PIK3CG: variants seen among roughly 807,000 people sequenced by gnomAD.
PIK3CG encodes the protein phosphatidylinositol 4,5-bisphosphate 3-kinase catalytic subunit gamma isoform.
In PIK3CG, 55 loss-of-function variants were observed where a neutral mutation model predicts 102.3. The ratio of observed to expected loss-of-function variants is 0.54; its 90% CI spans 0.43 to 0.67. PIK3CG has a LOEUF of 0.67. PIK3CG is among the 30% of genes least tolerant of loss of function. The pLI is 0.00. For synonymous variants in PIK3CG, 552 were observed against 540.0 expected, an observed-to-expected ratio of 1.02 and a Z score of -0.31; for missense variants, 1,258 against 1,391.8, an observed-to-expected ratio of 0.90 and a Z score of 1.53.
rs568814349 is a variant in PIK3CG at position 106,908,201 on chromosome 7, C to T, written c.*2814C>T. 1.6e-4 allele frequency among the ~76,000 whole-genome samples: 25 copies of T among 152,206 alleles called. No individual in the cohort carries two copies. Among genetic ancestry groups the T allele is most frequent in the African/African-American group, 5.8e-4 (24 of 41,532 alleles). ...ATCATTCAAAAATTATTAAGAAATT[C>T]GAGATGGCAACAGCAGTTGTCACAC... On this transcript the variant is annotated 3_prime_UTR_variant, in exon 11 of 11. Coordinates refer to ENST00000496166, the MANE Select transcript of PIK3CG (RefSeq NM_001282426.2). The surrounding 1 kb of genome is among the most constrained non-coding windows in gnomAD (Gnocchi z 4.1).
chr7:106,907,917 T>G lies in PIK3CG; in HGVS notation c.*2530T>G, dbSNP rs182896438. ...GCATAATTTCAGTTCTATAGACTTA[T>G]AGATAAATAAAAATCATCTTTGTGG... On this transcript the variant is annotated 3_prime_UTR_variant, in exon 11 of 11. Coordinates refer to ENST00000496166, the MANE Select transcript of PIK3CG (RefSeq NM_001282426.2). 2.6e-5 allele frequency among the ~76,000 whole-genome samples: 4 copies of G among 151,678 alleles called. No individual in the cohort carries two copies. The highest frequency in any genetic ancestry group is 4.4e-5 in the Non-Finnish European group (3 of 67,946).
intron 4 of PIK3CG, among the ~76,000 whole-genome samples, chr7:106,873,238 T>C (rs1184850075): frequency 6.6e-6 from 1 of 152,220 alleles, no homozygotes; most frequent in Non-Finnish European, 1.5e-5. Flanking sequence ...TTTCCAAATC[T>C]TTACCTTTTT....
chr7:106,866,308 G>A (rs1584312688), intron 1 of PIK3CG, among the ~76,000 whole-genome samples: 2 of 152,256 alleles, frequency 1.3e-5, no homozygotes, highest in African/African-American at 4.8e-5. Context: ...ACTAAACATT[G>A]AAAGCAAAAT....
intron 9 of PIK3CG, among the ~76,000 whole-genome samples, chr7:106,885,454 T>C (rs576605963): frequency 2.1e-4 from 32 of 152,276 alleles, no homozygotes; most frequent in African/African-American, 7.2e-4. Context: ...TTTTTCTCTA[T>C]GAATTTGGGC....
In PIK3CG at chr7:106,884,031, C is replaced by G. The variant is rs931703637; in HGVS notation, c.2761-124C>G. On this transcript the variant is annotated intron_variant, in intron 8 of 10. Coordinates refer to ENST00000496166, the MANE Select transcript of PIK3CG (RefSeq NM_001282426.2). The surrounding 1 kb of genome is among the most constrained non-coding windows in gnomAD (Gnocchi z 4.2). ...TTCATAGATATAATGCTAATGAAAT[C>G]AGGCACAACTAACTTGCTCTCTGAA... is the stretch of plus-strand genomic sequence containing the variant. 1.4e-6 allele frequency: 1 copy of G among 706,806 alleles called. No individual in the cohort carries two copies. Among genetic ancestry groups the G allele is most frequent in the Non-Finnish European group, 2.4e-6 (1 of 408,898 alleles). The allele number at this position is 706,806 out of a possible 1,614,324, so 43.8% of individuals were successfully genotyped here. A position where few individuals can be genotyped will look rare whatever the true frequency, so the allele number is the denominator to read the frequency against.
Position 106,895,065 on chromosome 7 carries a change from T to C in PIK3CG, c.3030+8773T>C, listed in dbSNP as rs1046271574. Among the ~76,000 whole-genome samples the C allele has an allele frequency of 6.6e-6, 1 of 152,216 alleles. No individual in the cohort carries two copies. Among genetic ancestry groups the C allele is most frequent in the Admixed American group, 6.5e-5 (1 of 15,286 alleles). ...AGATGTACTACGTAGGCTCAATCTA[T>C]TTATTAGCTACTAATGGAGAATGTT... On this transcript the variant is annotated intron_variant, in intron 10 of 10. Transcript: ENST00000496166. This position sits in a 1 kb window ranked among gnomAD's most constrained non-coding sequence, Gnocchi z 5.4.
chr7:106,874,815 T>A lies in PIK3CG; in HGVS notation c.2391+12T>A, dbSNP rs1174352488. ...CAGGAGCGCTGGCAGTAGGTATCAC[T>A]TGGATGTCTCCATGTGGTCTTTATG... On this transcript the variant is annotated intron_variant, in intron 5 of 10. Coordinates refer to ENST00000496166, the MANE Select transcript of PIK3CG (RefSeq NM_001282426.2). This position sits in a 1 kb window ranked among gnomAD's most constrained non-coding sequence, Gnocchi z 4.3. 3.3e-6 allele frequency: 5 copies of A among 1,537,292 alleles called. No homozygotes were observed. Among genetic ancestry groups the A allele is most frequent in the Non-Finnish European group, 4.5e-6 (5 of 1,110,562 alleles).
rs910444668 is a variant in PIK3CG, at chr7:106,892,305, C to G, written c.3030+6013C>G. On this transcript the variant is annotated intron_variant, in intron 10 of 10. Coordinates refer to ENST00000496166, the MANE Select transcript of PIK3CG (RefSeq NM_001282426.2). The surrounding 1 kb of genome is among the most constrained non-coding windows in gnomAD (Gnocchi z 5.2). ...ACCTGCTAGGCTGGATTTTCTCAGCCTCCTGCTCTAGCCTGTTATAGTTAC... is the reference window on the plus strand; with the variant it reads ...ACCTGCTAGGCTGGATTTTCTCAGCGTCCTGCTCTAGCCTGTTATAGTTAC... 6.6e-6 allele frequency among the ~76,000 whole-genome samples: 1 copy of G among 152,222 alleles called. No individual in the cohort carries two copies. The highest frequency in any genetic ancestry group is 1.5e-5 in the Non-Finnish European group (1 of 68,036).
Position 106,867,475 on chromosome 7 carries a change from T to C in PIK3CG, c.-12-75T>C. The C allele has an allele frequency of 1.5e-6, 2 of 1,360,398 alleles. No individual in the cohort carries two copies. The highest frequency in any genetic ancestry group is 2.0e-6 in the Non-Finnish European group (2 of 994,558). The allele number at this position is 1,360,398 out of a possible 1,614,324, so 84.3% of individuals were successfully genotyped here. On this transcript the variant is annotated intron_variant, in intron 1 of 10. Transcript: ENST00000496166. This position sits in a 1 kb window ranked among gnomAD's most constrained non-coding sequence, Gnocchi z 5.1. ...ACATGTACGCCGCCTATACCTCCTC[T>C]TCCCTCATCTCACCAGAAAATATAA...
chr7:106,905,263 A>G lies in PIK3CG; in HGVS notation c.3185A>G (p.Glu1062Gly), dbSNP rs2116618770. 6.2e-7 allele frequency: 1 copy of G among 1,614,160 alleles called. No individual in the cohort carries two copies. The highest frequency in any genetic ancestry group is 8.5e-7 in the Non-Finnish European group (1 of 1,180,012). The change falls in exon 11 of 11, where the codon GAG (glutamate) becomes GGG (glycine). Residue 1062 changes from glutamate (E) to glycine (G), a missense_variant. Glu to Gly is a moderately conservative substitution (Grantham distance 98). Around this residue, in one of 2 missense-constraint regions of PIK3CG, gnomAD observed 426 missense variants for 604.2 expected, o/e 0.71. Coordinates refer to ENST00000496166, the MANE Select transcript of PIK3CG (RefSeq NM_001282426.2). The surrounding 1 kb of genome is among the most constrained non-coding windows in gnomAD (Gnocchi z 5.6). The part of the protein sequence containing the change: ...RDALTVGKNE[E>G]DAKKYFLDQI... ...GCCCTCACAGTGGGGAAAAATGAGG[A>G]GGATGCTAAAAAGTATTTTCTTGAT... is the stretch of plus-strand genomic sequence containing the variant.
chr7:106,868,296 G>A lies in PIK3CG; in HGVS notation c.735G>A (p.Leu245=), dbSNP rs746219744. 1.2e-6 allele frequency: 2 copies of A among 1,614,018 alleles called. No individual in the cohort carries two copies. Among genetic ancestry groups the A allele is most frequent in the African/African-American group, 2.7e-5 (2 of 74,942 alleles). Residue 245 remains leucine, a synonymous_variant, in exon 2 of 11, where the codon CTG becomes CTA. Transcript: ENST00000496166. The surrounding 1 kb of genome is among the most constrained non-coding windows in gnomAD (Gnocchi z 6.2). ...CCGACGACACCCCCGGCGCCATCCT[G>A]CAGAGCTTCTTCACCAAGATGGCCA... ...VSPDDTPGAI[L]QSFFTKMAKK... is the part of the protein sequence containing the mutation.
Position 106,868,641 on chromosome 7 carries a change from G to A in PIK3CG, c.1080G>A (p.Lys360=), listed in dbSNP as rs556212355. The A allele has an allele frequency of 1.9e-6, 3 of 1,614,104 alleles. No homozygotes were observed. The highest frequency in any genetic ancestry group is 3.3e-5 in the Admixed American group (2 of 60,016). Residue 360 remains lysine (K), a synonymous_variant, in exon 2 of 11, where the codon AAG becomes AAA. Transcript: ENST00000496166. The surrounding 1 kb of genome is among the most constrained non-coding windows in gnomAD (Gnocchi z 6.2). ...FTVSLWDCDR[K]FRVKIRGIDI... The stretch of plus-strand genomic sequence containing the variant: ...TGTCCCTGTGGGACTGCGACCGCAA[G>A]TTCAGGGTCAAGATCAGAGGCATTG...
rs1034095020 is a variant in PIK3CG, at chr7:106,902,442, C to G, written c.3031-2667C>G. On this transcript the variant is annotated intron_variant, in intron 10 of 10. Coordinates refer to ENST00000496166, the MANE Select transcript of PIK3CG (RefSeq NM_001282426.2). This position sits in a 1 kb window ranked among gnomAD's most constrained non-coding sequence, Gnocchi z 4.3. ...TATAACATTTATAAGCACTTTAAAGCTTTTGATGCATGTTAATCAAATTAC... is the reference window on the plus strand; with the variant it reads ...TATAACATTTATAAGCACTTTAAAGGTTTTGATGCATGTTAATCAAATTAC... 3.3e-5 allele frequency among the ~76,000 whole-genome samples: 5 copies of G among 151,930 alleles called. No individual in the cohort carries two copies. The highest frequency in any genetic ancestry group is 9.7e-5 in the African/African-American group (4 of 41,352).
rs1723152733 is a variant in PIK3CG, at chr7:106,882,149, T to C, written c.2571T>C (p.Thr857=). 6.4e-7 allele frequency: 1 copy of C among 1,571,260 alleles called. No homozygotes were observed. Residue 857 remains threonine, a synonymous_variant, in exon 7 of 11, where the codon ACT becomes ACC. Coordinates refer to ENST00000496166, the MANE Select transcript of PIK3CG (RefSeq NM_001282426.2). ...GAATCATGGAGTCTATTTGGGAGACTGAATCTTTGGATCTATGCCTCCTGC... is the reference window on the plus strand; with the variant it reads ...GAATCATGGAGTCTATTTGGGAGACCGAATCTTTGGATCTATGCCTCCTGC... ...ILRIMESIWE[T]ESLDLCLLPY... is the part of the protein sequence containing the mutation.
rs751449393 is a variant in PIK3CG, at chr7:106,867,979, C to A, written c.418C>A (p.Arg140=). The A allele has an allele frequency of 6.2e-7, 1 of 1,612,104 alleles. No homozygotes were observed. The highest frequency in any genetic ancestry group is 8.5e-7 in the Non-Finnish European group (1 of 1,179,182). The change falls in exon 2 of 11, where the codon CGG becomes AGG. Residue 140 remains arginine (R), a synonymous_variant. Transcript: ENST00000496166. The surrounding 1 kb of genome is among the most constrained non-coding windows in gnomAD (Gnocchi z 5.1). ...CCCGGGCCAGATCCACCTGGTGCAG[C>A]GGCACCCGCCCTCCGAGGAGTCCCA... ...RSPGQIHLVQ[R]HPPSEESQAF...
Position 106,866,896 on chromosome 7 carries a change from T to C in PIK3CG, c.-12-654T>C, listed in dbSNP as rs1414678667. On this transcript the variant is annotated intron_variant, in intron 1 of 10. Transcript: ENST00000496166. ...AGGAAATTTATTAGGGAGTAGATCC[T>C]AGGTCCAGGCAGTTTGAAAACAGGC... 2.0e-5 allele frequency among the ~76,000 whole-genome samples: 3 copies of C among 152,196 alleles called. No individual in the cohort carries two copies. In the East Asian group the frequency reaches 5.8e-4, roughly 29 times the overall value.
intron 1 of PIK3CG, among the ~76,000 whole-genome samples, chr7:106,866,621 T>A (rs3823963): frequency 0.35 from 53,543 of 152,088 alleles, 10,548 homozygotes; most frequent in East Asian, 0.51. Context: ...AAATGAATTT[T>A]AATTAATTAA....
chr7:106,894,425 A>G lies in PIK3CG; in HGVS notation c.3030+8133A>G, dbSNP rs1584344623. 2.0e-5 allele frequency among the ~76,000 whole-genome samples: 3 copies of G among 152,336 alleles called. No individual in the cohort carries two copies. Among genetic ancestry groups the G allele is most frequent in the Middle Eastern group, 3.4e-3 (1 of 294 alleles). On this transcript the variant is annotated intron_variant, in intron 10 of 10. Coordinates refer to ENST00000496166, the MANE Select transcript of PIK3CG (RefSeq NM_001282426.2). The surrounding 1 kb of genome is among the most constrained non-coding windows in gnomAD (Gnocchi z 4.4). Reference sequence around the variant, plus strand: ...GAGCTAGTCTGAGAATCACTTTTCAAGTACTTACAGATAAAAATCCTAATT... The same window carrying G: ...GAGCTAGTCTGAGAATCACTTTTCAGGTACTTACAGATAAAAATCCTAATT...
In PIK3CG at chr7:106,872,509, T is replaced by C. The variant is rs1430191742; in HGVS notation, c.1996-28T>C. ...GATTCAACGACATAGAGTACAGTCC[T>C]ACAAATGCCAATGTGTTCTTCCTTT... On this transcript the variant is annotated intron_variant, in intron 2 of 10. Transcript: ENST00000496166. This position sits in a 1 kb window ranked among gnomAD's most constrained non-coding sequence, Gnocchi z 5.3. 2 of 1,589,186 alleles carry C rather than the reference T, an allele frequency of 1.3e-6. No homozygotes were observed. Among genetic ancestry groups the C allele is most frequent in the East Asian group, 2.2e-5 (1 of 44,776 alleles).
Sources: allele counts gnomAD v4.1 joint callset (sites outside exome capture counted in the v4.1 genomes callset), GRCh38; gene constraint gnomAD v4.1.1; regional missense constraint gnomAD v4.1.1; non-coding constraint Gnocchi (gnomAD v3.1); transcripts MANE v1.5; gene names NCBI Gene and HGNC (gene_info 2026-07-23, HGNC 2026-07-21).